SPECC1: variants seen among roughly 807,000 people sequenced by gnomAD.
The protein encoded by SPECC1 is sperm antigen with calponin homology and coiled-coil domains 1, also known as cytospin-B.
A neutral mutation model predicts 104.1 loss-of-function variants in SPECC1; 62 were observed. The observed-to-expected ratio is 0.60, with a 90% confidence interval of 0.49 to 0.74. The LOEUF (loss-of-function observed/expected upper bound fraction) is 0.74, where lower values mean the gene tolerates loss of function less well. Among genes scored for constraint, SPECC1 ranks in the 30% least tolerant of loss-of-function variants. The pLI is 0.00. For missense variants in SPECC1, 1,306 were observed against 1,310.5 expected, an observed-to-expected ratio of 1.00 and a Z score of 0.05; for synonymous variants, 513 against 501.6, an observed-to-expected ratio of 1.02 and a Z score of -0.30.
chr17:20,078,648 C>T lies in SPECC1; in HGVS notation c.-21-17983C>T, dbSNP rs377101380. 2.8e-4 allele frequency among the ~76,000 whole-genome samples: 42 copies of T among 152,200 alleles called. 1 individual carries two copies. The highest frequency in any genetic ancestry group is 9.9e-4 in the African/African-American group (41 of 41,520). The stretch of plus-strand genomic sequence containing the variant: ...AAAATCTATCAAAAGGTAAAATATG[C>T]ATACCTTTGATTTGTCTTAGAAAAA... On this transcript the variant is annotated intron_variant, in intron 1 of 14. Coordinates refer to ENST00000395527, the MANE Select transcript of SPECC1 (RefSeq NM_001243439.2).
chr17:20,187,581 T>A (rs2035364898), intron 3 of SPECC1, among the ~76,000 whole-genome samples: 2 of 152,216 alleles, frequency 1.3e-5, no homozygotes, highest in South Asian at 4.1e-4. Context: ...AAATTGACCC[T>A]GAGAGAACAT....
intron 12 of SPECC1, among the ~76,000 whole-genome samples, chr17:20,274,008 C>A (rs1463716388): frequency 6.6e-6 from 1 of 152,154 alleles, no homozygotes; most frequent in Non-Finnish European, 1.5e-5. Context: ...TTATTCCTTT[C>A]TCCTTAAGGA....
At chr17:20,114,888 G>A (rs751720534) in intron 3 of SPECC1, among the ~76,000 whole-genome samples, 2 of 152,148 alleles carry the variant, frequency 1.3e-5, no homozygotes, top group Admixed American at 6.5e-5. Flanking sequence ...TTTTTACCAA[G>A]ACAGAGAAGT....
At chr17:20,076,158 T>C (rs942421544) in intron 1 of SPECC1, among the ~76,000 whole-genome samples, 4 of 152,208 alleles carry the variant, frequency 2.6e-5, no homozygotes, top group Admixed American at 2.6e-4. Flanking sequence ...AACTAGATAT[T>C]ATAGCATAAG....
At chr17:20,147,277 G>A (rs1027511788) in intron 3 of SPECC1, among the ~76,000 whole-genome samples, 2 of 151,942 alleles carry the variant, frequency 1.3e-5, no homozygotes, top group Admixed American at 6.5e-5. Flanking sequence ...CTCCATGTTG[G>A]TCAGGCTGGT....
rs143550207 is a variant in SPECC1, at chr17:20,204,991, C to T, written c.942C>T (p.Ser314=). The change falls in exon 4 of 15, where the codon TCC becomes TCT. Residue 314 remains serine (S), a synonymous_variant. Transcript: ENST00000395527. ...IHGNALRTSG[S]SSSDVTKASL... is the part of the protein sequence containing the mutation. ...GAAATGCATTACGGACATCAGGCTC[C>T]TCAAGTAGCGATGTTACCAAAGCTT... is the stretch of plus-strand genomic sequence containing the variant. 3.7e-6 allele frequency: 6 copies of T among 1,614,076 alleles called. No homozygotes were observed. In the African/African-American group the frequency reaches 6.7e-5, roughly 18 times the overall value.
intron 3 of SPECC1, among the ~76,000 whole-genome samples, chr17:20,179,694 T>G (rs546430568): frequency 6.6e-6 from 1 of 152,330 alleles, no homozygotes; most frequent in South Asian, 2.1e-4. Context: ...TCCATCTCAT[T>G]TGAACAAATA....
chr17:20,204,481 G>A lies in SPECC1; in HGVS notation c.432G>A (p.Thr144=), dbSNP rs376056401. The change falls in exon 4 of 15, where the codon ACG becomes ACA. Residue 144 remains threonine (T), a synonymous_variant. Coordinates refer to ENST00000395527, the MANE Select transcript of SPECC1 (RefSeq NM_001243439.2). ...CTTCTTCCAACACTCCCACTCCTACGAAACACCTGAGGACCCCTTCCACAA... is the reference window on the plus strand; with the variant it reads ...CTTCTTCCAACACTCCCACTCCTACAAAACACCTGAGGACCCCTTCCACAA... ...SPTSSNTPTP[T]KHLRTPSTKP... is the part of the protein sequence containing the mutation. 9.3e-6 allele frequency: 15 copies of A among 1,613,876 alleles called. No homozygotes were observed. Among genetic ancestry groups the A allele is most frequent in the Middle Eastern group, 3.3e-4 (2 of 6,084 alleles).
At position 20,077,058 on chromosome 17, in the gene SPECC1, T is replaced by C. The variant is rs1447762041; in HGVS notation, c.-21-19573T>C. Among the ~76,000 whole-genome samples the C allele has an allele frequency of 1.3e-5, 2 of 152,222 alleles. 1 individual carries two copies. Among genetic ancestry groups the C allele is most frequent in the South Asian group, 4.1e-4 (2 of 4,834 alleles). The stretch of plus-strand genomic sequence containing the variant: ...ATATGGGTAAGATTTATTTGCCATA[T>C]TTTTGTCAGTTATTTTCCCCAGTCT... On this transcript the variant is annotated intron_variant, in intron 1 of 14. Transcript: ENST00000395527.
chr17:20,057,345 G>T (rs2046005910), intron 1 of SPECC1, among the ~76,000 whole-genome samples: 1 of 152,152 alleles, frequency 6.6e-6, no homozygotes, highest in Non-Finnish European at 1.5e-5. Context: ...GGAGGCTGAG[G>T]CAGGAGAATG....
intron 3 of SPECC1, among the ~76,000 whole-genome samples, chr17:20,164,176 T>TC (rs1349106300): frequency 6.6e-6 from 1 of 151,738 alleles, no homozygotes; most frequent in African/African-American, 2.4e-5. Flanking sequence ...GTAATTTTTT[T>TC]TTTTTTTTTT....
intron 1 of SPECC1, among the ~76,000 whole-genome samples, chr17:20,080,163 A>G (rs2046911126): frequency 1.3e-5 from 2 of 152,198 alleles, no homozygotes; most frequent in African/African-American, 4.8e-5. Flanking sequence ...AAAAGTTAGG[A>G]TGATAGGTAA....
At chr17:20,077,427 C>G (rs1041403059) in intron 1 of SPECC1, among the ~76,000 whole-genome samples, 22 of 151,998 alleles carry the variant, frequency 1.4e-4, no homozygotes, top group African/African-American at 5.3e-4. Context: ...ACGCCATTAT[C>G]GCACTGTGAT....
intron 3 of SPECC1, among the ~76,000 whole-genome samples, chr17:20,169,136 G>A (rs998678624): frequency 6.6e-6 from 1 of 152,164 alleles, no homozygotes; most frequent in Non-Finnish European, 1.5e-5. Context: ...GCCTCTCAAA[G>A]TACTGAGATT....
chr17:20,229,190 T>C (rs1250077219), intron 5 of SPECC1, among the ~76,000 whole-genome samples: 1 of 152,180 alleles, frequency 6.6e-6, no homozygotes, highest in Non-Finnish European at 1.5e-5. Context: ...TTTTAACATT[T>C]TTGTGCTTTT....
intron 3 of SPECC1, among the ~76,000 whole-genome samples, chr17:20,193,564 G>T (rs1336992897): frequency 2.0e-5 from 3 of 152,320 alleles, no homozygotes; most frequent in African/African-American, 7.2e-5. Context: ...GTAGAGAGGA[G>T]CAGAGTCAGA....
intron 1 of SPECC1, among the ~76,000 whole-genome samples, chr17:20,024,346 T>A (rs2044515759): frequency 6.6e-6 from 1 of 151,632 alleles, no homozygotes. Context: ...TCCATTCTTG[T>A]TTACTCTATG....
intron 3 of SPECC1, among the ~76,000 whole-genome samples, chr17:20,115,506 A>T (rs2048712191): frequency 1.3e-5 from 2 of 151,940 alleles, no homozygotes; most frequent in Non-Finnish European, 2.9e-5. Context: ...AAAATAAAAA[A>T]AATTGGAGAT....
intron 4 of SPECC1, among the ~76,000 whole-genome samples, chr17:20,210,530 A>G (rs886332890): frequency 6.6e-6 from 1 of 152,188 alleles, no homozygotes; most frequent in Non-Finnish European, 1.5e-5. Flanking sequence ...TTACCTTTAC[A>G]TCTGATTGGT....
Sources: gnomAD v4.1 joint callset for allele counts (sites outside exome capture counted in the v4.1 genomes callset) on GRCh38, gnomAD v4.1.1 for gene constraint, MANE v1.5 for transcripts, NCBI Gene and HGNC (gene_info 2026-07-23, HGNC 2026-07-21) for gene names.